Variants in CHST8 observed in about 807,000 individuals in gnomAD.
CHST8 encodes the protein carbohydrate sulfotransferase 8.
Under a neutral mutation model 15.0 loss-of-function variants are expected in CHST8, and 10 were observed. The observed-to-expected ratio is 0.67, with a 90% CI of 0.41 to 1.13. CHST8 has a LOEUF of 1.13. CHST8 is among the 50% of genes most tolerant of loss of function. CHST8 has a pLI of 0.00. For missense variants in CHST8, 634 were observed against 608.2 expected, an observed-to-expected ratio of 1.04 and a Z score of -0.45; for synonymous variants, 259 against 256.6, an observed-to-expected ratio of 1.01 and a Z score of -0.09.
At chr19:33,638,014 A>G (rs1188338618) in intron 1 of CHST8, among the ~76,000 whole-genome samples, 1 of 151,976 alleles carries the variant, frequency 6.6e-6, no homozygotes. Flanking sequence ...TTTGGCCCCA[A>G]GGAGATAGAT....
intron 3 of CHST8, among the ~76,000 whole-genome samples, chr19:33,741,722 T>TA (rs1284555246): frequency 6.6e-6 from 1 of 150,920 alleles, no homozygotes; most frequent in Non-Finnish European, 1.5e-5. Flanking sequence ...TTTTTTTTTT[T>TA]AAATTGTGCT....
intron 3 of CHST8, among the ~76,000 whole-genome samples, chr19:33,749,060 G>A (rs994676577): frequency 6.6e-6 from 1 of 152,148 alleles, no homozygotes; most frequent in African/African-American, 2.4e-5. Context: ...AGCAAGGGGG[G>A]CCCCCAGCAG....
At chr19:33,750,227 G>A (rs1406161983) in intron 3 of CHST8, among the ~76,000 whole-genome samples, 6 of 152,192 alleles carry the variant, frequency 3.9e-5, no homozygotes, top group Non-Finnish European at 8.8e-5. Flanking sequence ...GGGTTGGGAG[G>A]ATGCACTTTT....
chr19:33,652,443 T>G (rs560394740), intron 1 of CHST8, among the ~76,000 whole-genome samples: 79 of 143,272 alleles, frequency 5.5e-4, no homozygotes, highest in Non-Finnish European at 8.8e-4. Flanking sequence ...TGGCGCAATC[T>G]CAGCTCTCTG....
chr19:33,733,402 T>G (rs1185563212), intron 3 of CHST8, among the ~76,000 whole-genome samples: 2 of 151,954 alleles, frequency 1.3e-5, no homozygotes, highest in Non-Finnish European at 2.9e-5. Context: ...CCCAGCTAAT[T>G]TTTTGTACTT....
intron 3 of CHST8, among the ~76,000 whole-genome samples, chr19:33,707,190 CCA>C (rs1222473510): frequency 6.6e-6 from 1 of 152,176 alleles, no homozygotes; most frequent in African/African-American, 2.4e-5. Flanking sequence ...GTAGCTGGGA[CCA>C]CAGGCACATG....
intron 1 of CHST8, among the ~76,000 whole-genome samples, chr19:33,651,151 G>T (rs1568315250): frequency 6.6e-6 from 1 of 151,968 alleles, no homozygotes; most frequent in Non-Finnish European, 1.5e-5. Context: ...TATGCTTTTG[G>T]TATTGTGTCT....
In CHST8 at chr19:33,701,033, A is replaced by G. The variant is rs1416295155; in HGVS notation, c.130+11642A>G. On this transcript the variant is annotated intron_variant, in intron 3 of 4. Transcript: ENST00000650847. ...GGGTTTGATGCGTCTGGGCGGTGCT[A>G]GCTTTGGGACCATCATTGAATTCTG... Among the ~76,000 whole-genome samples, 4 of 152,152 alleles carry G rather than the reference A, an allele frequency of 2.6e-5. 1 individual carries two copies. Among genetic ancestry groups the G allele is most frequent in the Non-Finnish European group, 5.9e-5 (4 of 68,000 alleles).
intron 2 of CHST8, among the ~76,000 whole-genome samples, chr19:33,680,999 A>G (rs562462101): frequency 6.6e-6 from 1 of 152,390 alleles, no homozygotes; most frequent in East Asian, 1.9e-4. Flanking sequence ...ACGGTTTGCA[A>G]AACCGTAGAA....
At chr19:33,757,410 GA>G (rs1284605484) in intron 3 of CHST8, among the ~76,000 whole-genome samples, 3 of 5,900 alleles carry the variant, frequency 5.1e-4, no homozygotes, top group South Asian at 0.012. Flanking sequence ...AAGAAAGAAA[GA>G]AAGAAAGAAA....
intron 3 of CHST8, among the ~76,000 whole-genome samples, chr19:33,711,482 T>C (rs531598803): frequency 6.6e-6 from 1 of 152,262 alleles, no homozygotes; most frequent in African/African-American, 2.4e-5. Flanking sequence ...CTCTCAGAAG[T>C]GGGTTTATTT....
intron 3 of CHST8, among the ~76,000 whole-genome samples, chr19:33,731,126 T>C (rs1485656334): frequency 6.6e-6 from 1 of 152,190 alleles, no homozygotes; most frequent in Non-Finnish European, 1.5e-5. Context: ...CCAGGAACAA[T>C]GCTTTGCATC....
At position 33,772,457 on chromosome 19, in the gene CHST8, G is replaced by C. The variant is rs750721720; in HGVS notation, c.669G>C (p.Gln223His). 13 of 1,612,818 alleles carry C rather than the reference G, an allele frequency of 8.1e-6. No individual in the cohort carries two copies. The highest frequency in any genetic ancestry group is 1.3e-5 in the African/African-American group (1 of 75,080). Residue 223 changes from glutamine (Q) to histidine (H), a missense_variant, in exon 5 of 5, where the codon CAG (glutamine) becomes CAC (histidine). Gln to His is a conservative substitution (Grantham distance 24). Coordinates refer to ENST00000650847, the MANE Select transcript of CHST8 (RefSeq NM_001127895.2). ...AGLASSTADI[Q>H]HNTVHYGSAL... is the part of the protein sequence containing the mutation. ...TGGCCTCGTCCACTGCCGACATCCA[G>C]CACAACACCGTCCACTATGGCAGCG... is the stretch of plus-strand genomic sequence containing the variant.
At chr19:33,640,147 A>C (rs1972263412) in intron 1 of CHST8, among the ~76,000 whole-genome samples, 1 of 152,176 alleles carries the variant, frequency 6.6e-6, no homozygotes, top group Non-Finnish European at 1.5e-5. Context: ...CAGCAAAGCA[A>C]ATCAATTCTT....
At chr19:33,684,652 C>G (rs1301940446) in intron 2 of CHST8, 1 of 151,520 alleles carries the variant, frequency 6.6e-6, no homozygotes, top group African/African-American at 2.4e-5. Flanking sequence ...GAGAGCCGCG[C>G]GCAGGGAAGA....
At position 33,759,459 on chromosome 19, in the gene CHST8, C is replaced by T. The variant is rs370150828; in HGVS notation, c.131-11954C>T. On this transcript the variant is annotated intron_variant, in intron 3 of 4. Coordinates refer to ENST00000650847, the MANE Select transcript of CHST8 (RefSeq NM_001127895.2). ...CTGCTGAGAGCCTGGGGTGGGATCC[C>T]GGTGGGCCCAGAAAATGGCAGCCTC... Among the ~76,000 whole-genome samples the T allele has an allele frequency of 2.9e-4, 44 of 152,192 alleles. 2 individuals are homozygous for T. The East Asian group carries it at 7.6e-3, about 26-fold the overall frequency.
intron 1 of CHST8, among the ~76,000 whole-genome samples, chr19:33,665,822 C>T (rs1216173120): frequency 1.3e-5 from 2 of 152,156 alleles, no homozygotes; most frequent in Non-Finnish European, 2.9e-5. Flanking sequence ...ACATGGTTCA[C>T]ACTCAGTGGG....
chr19:33,768,803 T>A (rs953792294), intron 3 of CHST8, among the ~76,000 whole-genome samples: 2 of 152,206 alleles, frequency 1.3e-5, no homozygotes, highest in Non-Finnish European at 2.9e-5. Context: ...GTCTAATCTT[T>A]GCCTGATAAG....
intron 1 of CHST8, among the ~76,000 whole-genome samples, chr19:33,649,471 C>G (rs757361919): frequency 5.3e-5 from 8 of 152,170 alleles, no homozygotes; most frequent in Admixed American, 6.5e-5. Context: ...AAAGCAAGCA[C>G]TTCGAGGGAG....
Sources: allele counts gnomAD v4.1 joint callset (sites outside exome capture counted in the v4.1 genomes callset), GRCh38; gene constraint gnomAD v4.1.1; transcripts MANE v1.5; gene names NCBI Gene and HGNC (gene_info 2026-07-23, HGNC 2026-07-21).